The following SCUBE1 variants were observed in gnomAD, a reference collection of about 807,000 sequenced individuals.
SCUBE1 encodes signal peptide, CUB domain and EGF like domain containing 1, also known as signal peptide, CUB and EGF-like domain-containing protein 1.
A neutral mutation model predicts 124.4 loss-of-function variants in SCUBE1; 59 were observed. That is an observed-to-expected ratio of 0.47 (90% CI 0.38 to 0.59). The LOEUF is 0.59. Among genes scored for constraint, SCUBE1 ranks in the 20% least tolerant of loss-of-function variants. The pLI is 0.00. For synonymous variants in SCUBE1, 545 were observed against 550.9 expected (o/e 0.99, Z 0.15); for missense variants, 1,150 against 1,371.2 (o/e 0.84, Z 2.55).
At chr22:43,268,051 G>A (rs987450601) in intron 4 of SCUBE1, among the ~76,000 whole-genome samples, 1 of 152,186 alleles carries the variant, frequency 6.6e-6, no homozygotes, top group African/African-American at 2.4e-5. Context: ...GACCCCCCGG[G>A]CCTCCTCCAG....
intron 4 of SCUBE1, among the ~76,000 whole-genome samples, chr22:43,265,870 C>T (rs1184436498): frequency 6.6e-6 from 1 of 152,134 alleles, no homozygotes; most frequent in Admixed American, 6.5e-5. Context: ...GAGAGCGAGG[C>T]GGGGGGAATC....
At chr22:43,316,164 A>G (rs1388256503) in intron 3 of SCUBE1, among the ~76,000 whole-genome samples, 1 of 151,996 alleles carries the variant, frequency 6.6e-6, no homozygotes, top group Non-Finnish European at 1.5e-5. Flanking sequence ...CCATGATCTC[A>G]TTTAATCCTC....
chr22:43,292,556 A>ACAC (rs1925402162), intron 3 of SCUBE1, among the ~76,000 whole-genome samples: 14 of 139,598 alleles, frequency 1.0e-4, no homozygotes, highest in Non-Finnish European at 1.5e-4. Flanking sequence ...CCCGGTCCCT[A>ACAC]ACACACACAC....
intron 3 of SCUBE1, among the ~76,000 whole-genome samples, chr22:43,312,827 A>G (rs763884223): frequency 6.6e-6 from 1 of 152,146 alleles, no homozygotes; most frequent in Non-Finnish European, 1.5e-5. Flanking sequence ...ACTCACGGAT[A>G]GATACAGGCG....
At chr22:43,312,490 G>C (rs963493621) in intron 3 of SCUBE1, among the ~76,000 whole-genome samples, 6 of 152,302 alleles carry the variant, frequency 3.9e-5, no homozygotes, top group East Asian at 1.9e-4. Flanking sequence ...AATGGGGTTG[G>C]GGGGAGGCTG....
intron 5 of SCUBE1, among the ~76,000 whole-genome samples, chr22:43,259,171 A>G (rs1392565726): frequency 6.6e-6 from 1 of 152,210 alleles, no homozygotes; most frequent in Non-Finnish European, 1.5e-5. Context: ...TTCCAGGGTG[A>G]GAGAGATCGC....
chr22:43,253,381 G>C lies in SCUBE1; in HGVS notation c.727+4838C>G, dbSNP rs554597843. 1.4e-4 allele frequency among the ~76,000 whole-genome samples: 22 copies of C among 152,316 alleles called. 1 individual carries two copies. In the South Asian group the frequency reaches 3.9e-3, roughly 27 times the overall value. ...AGCCCGGGTCTGGTTCCTAGTTCAG[G>C]GGGTGAGGCCTTGGCTATTGGCTCT... On this transcript the variant is annotated intron_variant, in intron 6 of 21. Transcript: ENST00000360835.
At chr22:43,267,089 G>A (rs1157550861) in intron 4 of SCUBE1, among the ~76,000 whole-genome samples, 3 of 152,216 alleles carry the variant, frequency 2.0e-5, no homozygotes, top group East Asian at 1.9e-4. Context: ...AGGCTGCTAC[G>A]ACAGCACTCC....
In SCUBE1 at chr22:43,245,724, T is replaced by C. The variant is rs985915220; in HGVS notation, c.728-6770A>G. ...GCCCATTTTGGCCCTCTGCTGACCT[T>C]AGCCCGGCCCTGCTGAAATAAAAGG... On this transcript the variant is annotated intron_variant, in intron 6 of 21. Transcript: ENST00000360835. Among the ~76,000 whole-genome samples the C allele has an allele frequency of 3.3e-5, 5 of 152,292 alleles. No homozygotes were observed. In the South Asian group the frequency reaches 1.0e-3, roughly 32 times the overall value.
intron 4 of SCUBE1, among the ~76,000 whole-genome samples, chr22:43,287,312 AGGAC>A (rs1925184878): frequency 2.0e-5 from 3 of 152,220 alleles, no homozygotes; most frequent in Admixed American, 2.0e-4. Flanking sequence ...CGCTACTCCT[AGGAC>A]AGGTGCTGCC....
chr22:43,235,166 C>A (rs1444082558), intron 7 of SCUBE1, among the ~76,000 whole-genome samples: 1 of 152,172 alleles, frequency 6.6e-6, no homozygotes, highest in East Asian at 1.9e-4. Context: ...CAGGGTGATT[C>A]CAGACAATGG....
At chr22:43,286,757 G>A (rs1925162558) in intron 4 of SCUBE1, among the ~76,000 whole-genome samples, 1 of 152,036 alleles carries the variant, frequency 6.6e-6, no homozygotes, top group African/African-American at 2.4e-5. Flanking sequence ...GGGGCTGGCA[G>A]AGCACCTGGC....
chr22:43,325,931 TG>T (rs1199002783), intron 2 of SCUBE1, among the ~76,000 whole-genome samples: 1 of 150,684 alleles, frequency 6.6e-6, no homozygotes, highest in Non-Finnish European at 1.5e-5. Context: ...TAGGGTGAGG[TG>T]TTTTTTTTTT....
In SCUBE1 at chr22:43,258,946, G is replaced by A. The variant is rs1923770653; in HGVS notation, c.611-611C>T. On this transcript the variant is annotated intron_variant, in intron 5 of 21. Transcript: ENST00000360835. The surrounding 1 kb of genome is among the most constrained non-coding windows in gnomAD (Gnocchi z 5.0). ...AACAGACAGACTCATGCAAGTTAATGTCATCTGAGGTACGGTTTTGAAAAT... is the reference window on the plus strand; with the variant it reads ...AACAGACAGACTCATGCAAGTTAATATCATCTGAGGTACGGTTTTGAAAAT... Among the ~76,000 whole-genome samples the A allele has an allele frequency of 6.6e-6, 1 of 152,182 alleles. No individual in the cohort carries two copies. Among genetic ancestry groups the A allele is most frequent in the African/African-American group, 2.4e-5 (1 of 41,440 alleles).
intron 3 of SCUBE1, among the ~76,000 whole-genome samples, chr22:43,297,328 T>C (rs76118550): frequency 0.11 from 16,356 of 152,284 alleles, 1,766 homozygotes; most frequent in East Asian, 0.51. Context: ...GCTGCTGTGA[T>C]GAGTCTGGCT....
intron 6 of SCUBE1, among the ~76,000 whole-genome samples, chr22:43,246,408 C>T (rs915463613): frequency 1.3e-5 from 2 of 152,146 alleles, no homozygotes; most frequent in Admixed American, 6.5e-5. Context: ...AGTGCTCTTC[C>T]GTGCACCAGG....
intron 8 of SCUBE1, among the ~76,000 whole-genome samples, chr22:43,230,441 G>A (rs1922505136): frequency 6.6e-6 from 1 of 152,038 alleles, no homozygotes; most frequent in Non-Finnish European, 1.5e-5. Flanking sequence ...GGAAGGGGGT[G>A]GAAAAGATAC....
chr22:43,221,122 ACT>A, intron 13 of SCUBE1, 49 bp downstream of exon 13: 1 of 1,439,808 alleles, frequency 6.9e-7, no homozygotes, highest in South Asian at 1.1e-5. Context: ...AGGCATGAGG[ACT>A]CTCCTACAGC....
rs189790362 is a variant in SCUBE1 at position 43,325,599 on chromosome 22, T to C, written c.221-5534A>G. Among the ~76,000 whole-genome samples, 1,253 of 152,150 alleles carry C rather than the reference T, an allele frequency of 8.2e-3. 23 individuals carry two copies. The highest frequency in any genetic ancestry group is 0.029 in the African/African-American group (1,205 of 41,500). On this transcript the variant is annotated intron_variant, in intron 2 of 21. Coordinates refer to ENST00000360835, the MANE Select transcript of SCUBE1 (RefSeq NM_173050.5). ...GGGGTGGTGACAGGGATGGTTCACA[T>C]GAATGGAGAAAGTGGCAGGACAAAA... is the stretch of plus-strand genomic sequence containing the variant.
Sources: gnomAD v4.1 joint callset for allele counts (sites outside exome capture counted in the v4.1 genomes callset) on GRCh38, gnomAD v4.1.1 for gene constraint, Gnocchi (gnomAD v3.1) non-coding constraint, MANE v1.5 for transcripts, NCBI Gene and HGNC (gene_info 2026-07-23, HGNC 2026-07-21) for gene names.